The following FHDC1 variants were observed in gnomAD, a reference collection of about 807,000 sequenced individuals.
The protein encoded by FHDC1 is FH2 domain-containing protein 1.
FHDC1 carries 25 observed loss-of-function variants against 52.6 expected under a neutral mutation model. The observed-to-expected ratio is 0.48, with a 90% confidence interval of 0.35 to 0.66. The LOEUF is 0.66. Among genes scored for constraint, FHDC1 ranks in the 30% least tolerant of loss-of-function variants. The pLI, the probability that FHDC1 is intolerant of heterozygous loss-of-function variation, is 0.01. For synonymous variants in FHDC1, 616 were observed against 581.5 expected, an observed-to-expected ratio of 1.06 and a Z score of -0.85; for missense variants, 1,459 against 1,452.8, an observed-to-expected ratio of 1.00 and a Z score of -0.07.
chr4:152,941,409 A>G (rs900687011), intron 1 of FHDC1, among the ~76,000 whole-genome samples: 7 of 152,260 alleles, frequency 4.6e-5, no homozygotes, highest in African/African-American at 1.4e-4. Context: ...CACATATGAT[A>G]ACAGCTTGTT....
At position 152,972,558 on chromosome 4, in the gene FHDC1, CTG is replaced by C. The variant is rs1740670999; in HGVS notation, c.1383+21_1383+22del. 1 of 1,599,382 alleles carries C rather than the reference CTG, an allele frequency of 6.3e-7. No individual in the cohort carries two copies. The highest frequency in any genetic ancestry group is 8.5e-7 in the Non-Finnish European group (1 of 1,175,220). ...GCAGTTAAGGTACATCTGGCAGCATCTGTGTCTTGGGGTTGTTTGGATTTTTA... is the reference window on the plus strand; with the variant it reads ...GCAGTTAAGGTACATCTGGCAGCATCTGTCTTGGGGTTGTTTGGATTTTTA... On this transcript the variant is annotated intron_variant, in intron 11 of 11. Coordinates refer to ENST00000511601, the MANE Select transcript of FHDC1 (RefSeq NM_001371116.1).
Position 152,942,980 on chromosome 4 carries a change from A to G in FHDC1, c.-78A>G. 1 of 1,504,696 alleles carries G rather than the reference A, an allele frequency of 6.6e-7. No homozygotes were observed. Among genetic ancestry groups the G allele is most frequent in the East Asian group, 2.3e-5 (1 of 43,860 alleles). 93.2% of individuals were successfully genotyped at this position (1,504,696 alleles called of 1,614,324 possible). On this transcript the variant is annotated 5_prime_UTR_variant, in exon 2 of 12. Transcript: ENST00000511601. The stretch of plus-strand genomic sequence containing the variant: ...TCTGGCGGCAGATAGCAGCAGGTGA[A>G]AAAGTGCTACACAAGTTTGATGTTT...
the FHDC1 span, chr4:152,927,858 T>C: frequency 1.4e-6 from 2 of 1,421,624 alleles, no homozygotes; most frequent in East Asian, 4.6e-5. Context: ...AAACTGACTG[T>C]GAAGCCCTTA....
At chr4:152,932,320 C>A (rs559104844), upstream of FHDC1, among the ~76,000 whole-genome samples, 2 of 152,018 alleles carry the variant, frequency 1.3e-5, no homozygotes, top group East Asian at 3.9e-4. Context: ...ATGCCTGTAA[C>A]CACAGCACTT....
chr4:152,961,525 G>T (rs1740282036), intron 6 of FHDC1, among the ~76,000 whole-genome samples: 2 of 152,188 alleles, frequency 1.3e-5, no homozygotes, highest in South Asian at 4.1e-4. Context: ...TTGGTTTCTG[G>T]CATCTTGGCA....
the FHDC1 span, among the ~76,000 whole-genome samples, chr4:152,919,619 C>CT: frequency 6.6e-6 from 1 of 152,238 alleles, no homozygotes; most frequent in South Asian, 2.1e-4. Context: ...ATGCTTGACT[C>CT]TTTTTTACCT....
intron 4 of FHDC1, among the ~76,000 whole-genome samples, chr4:152,955,938 A>G (rs1250411131): frequency 1.3e-5 from 2 of 152,164 alleles, no homozygotes; most frequent in African/African-American, 2.4e-5. Flanking sequence ...GTTCCTATCA[A>G]CCTGGCCGCT....
rs1740332904 is a variant in FHDC1, at chr4:152,963,046, A to G, written c.945A>G (p.Val315=). The G allele has an allele frequency of 1.2e-6, 2 of 1,612,742 alleles. No individual in the cohort carries two copies. Among genetic ancestry groups the G allele is most frequent in the South Asian group, 1.1e-5 (1 of 91,054 alleles). ...MNAGGYAGNA[V]GFKLSSLLKL... is the part of the protein sequence containing the mutation. ...AGGGAGGGTATGCCGGCAATGCAGT[A>G]GGATTTAAACTGTCTTCTTTGCTCA... The change falls in exon 8 of 12, where the codon GTA becomes GTG. Residue 315 remains valine, a synonymous_variant. Transcript: ENST00000511601.
At chr4:152,957,007 CT>C (rs571184550) in intron 4 of FHDC1, among the ~76,000 whole-genome samples, 1 of 152,292 alleles carries the variant, frequency 6.6e-6, no homozygotes, top group East Asian at 1.9e-4. Context: ...TAAGGACAAA[CT>C]TTTTTGTGTC....
chr4:152,967,372 A>G (rs1476235950), intron 9 of FHDC1, among the ~76,000 whole-genome samples: 1 of 152,148 alleles, frequency 6.6e-6, no homozygotes, highest in Non-Finnish European at 1.5e-5. Context: ...GGTTGCAGTG[A>G]GCCAAGATCA....
intron 1 of FHDC1, among the ~76,000 whole-genome samples, chr4:152,936,823 G>A (rs1030628880): frequency 1.3e-5 from 2 of 152,278 alleles, no homozygotes; most frequent in East Asian, 1.9e-4. Flanking sequence ...CGACCCTTGG[G>A]AGACAGCGGC....
chr4:152,961,630 G>A, intron 6 of FHDC1, among the ~76,000 whole-genome samples: 1 of 152,160 alleles, frequency 6.6e-6, no homozygotes, highest in Non-Finnish European at 1.5e-5. Context: ...GCATGCGTCA[G>A]TGCCAGCCTG....
intron 8 of FHDC1, among the ~76,000 whole-genome samples, chr4:152,963,543 C>T (rs982338391): frequency 2.6e-5 from 4 of 152,006 alleles, no homozygotes; most frequent in Non-Finnish European, 5.9e-5. Flanking sequence ...TAGGAATACA[C>T]CTCCGCAGAA....
chr4:152,957,979 A>G (rs999062228), intron 4 of FHDC1, among the ~76,000 whole-genome samples: 2 of 152,134 alleles, frequency 1.3e-5, no homozygotes, highest in African/African-American at 4.8e-5. Context: ...ACGTGGTAGA[A>G]ACTTTCTGTT....
chr4:152,960,194 C>G (rs1219736881), intron 4 of FHDC1, among the ~76,000 whole-genome samples: 1 of 152,098 alleles, frequency 6.6e-6, no homozygotes, highest in Non-Finnish European at 1.5e-5. Context: ...ATTTCTTCTC[C>G]CAATGATCTC....
At chr4:152,933,403 C>A (rs1224031917), upstream of FHDC1, among the ~76,000 whole-genome samples, 1 of 152,142 alleles carries the variant, frequency 6.6e-6, no homozygotes, top group Non-Finnish European at 1.5e-5. Flanking sequence ...TTCATTCAAG[C>A]ACTTTTTGAC....
In FHDC1 at chr4:152,972,366, T is replaced by G; in HGVS notation, c.1219-11T>G. 2 of 1,592,738 alleles carry G rather than the reference T, an allele frequency of 1.3e-6. No homozygotes were observed. Among genetic ancestry groups the G allele is most frequent in the Non-Finnish European group, 1.7e-6 (2 of 1,174,020 alleles). On this transcript the variant is annotated splice_polypyrimidine_tract_variant and intron_variant, in intron 10 of 11. Coordinates refer to ENST00000511601, the MANE Select transcript of FHDC1 (RefSeq NM_001371116.1). ...GTTTACCTCAGTGTGTGTTCGTTTGTTTTTCCGCAGTTTGCCATAGAAAAG... is the reference window on the plus strand; with the variant it reads ...GTTTACCTCAGTGTGTGTTCGTTTGGTTTTCCGCAGTTTGCCATAGAAAAG...
the FHDC1 span, among the ~76,000 whole-genome samples, chr4:152,915,839 G>C: frequency 6.6e-6 from 1 of 152,096 alleles, no homozygotes; most frequent in East Asian, 1.9e-4. Flanking sequence ...ATGGGAAAAA[G>C]TACCATTAAT....
chr4:152,943,328 C>T lies in FHDC1; in HGVS notation c.271C>T (p.Leu91Phe), dbSNP rs1317996732. The change falls in exon 2 of 12, where the codon CTT (leucine) becomes TTT (phenylalanine). Residue 91 changes from leucine (L) to phenylalanine (F), a missense_variant. By Grantham distance (22) the Leu-to-Phe change is conservative. Coordinates refer to ENST00000511601, the MANE Select transcript of FHDC1 (RefSeq NM_001371116.1). ...TACTCACATGAACGGCTACAGCCAC[C>T]TTGGTAAGAAAAAGCGGATGAGAAG... ...PTTHMNGYSH[L>F]GKKKRMRSFF... 6.2e-7 allele frequency: 1 copy of T among 1,613,334 alleles called. No homozygotes were observed. Among genetic ancestry groups the T allele is most frequent in the East Asian group, 2.2e-5 (1 of 44,840 alleles).
Sources: gnomAD v4.1 joint callset for allele counts (sites outside exome capture counted in the v4.1 genomes callset) on GRCh38, gnomAD v4.1.1 for gene constraint, MANE v1.5 for transcripts, NCBI Gene and HGNC (gene_info 2026-07-23, HGNC 2026-07-21) for gene names.